TM9SF4: variants seen among roughly 807,000 people sequenced by gnomAD.
TM9SF4 encodes the protein transmembrane 9 superfamily member 4.
Under a neutral mutation model 90.4 loss-of-function variants are expected in TM9SF4, and 26 were observed. The ratio of observed to expected loss-of-function variants is 0.29; its 90% CI spans 0.21 to 0.40. TM9SF4 has a LOEUF of 0.40. Among genes scored for constraint, TM9SF4 ranks in the 10% least tolerant of loss-of-function variants. The pLI is 1.00. For missense variants in TM9SF4, 549 were observed against 834.8 expected (o/e 0.66, Z 4.22); for synonymous variants, 293 against 315.4 (o/e 0.93, Z 0.75).
chr20:32,149,911 A>G (rs2046817459), intron 10 of TM9SF4, 145 bp downstream of exon 10: 1 of 1,183,230 alleles, frequency 8.5e-7, no homozygotes, highest in Admixed American at 2.7e-5. Flanking sequence ...TGGGCCAGAC[A>G]GGCCGTCTAT....
chr20:32,156,398 T>C (rs535696069), intron 13 of TM9SF4, among the ~76,000 whole-genome samples: 3 of 152,210 alleles, frequency 2.0e-5, no homozygotes, highest in Non-Finnish European at 4.4e-5. Context: ...CAGTTGTCCC[T>C]TGGTATTCAT....
chr20:32,127,124 C>T (rs1030222535), intron 1 of TM9SF4, among the ~76,000 whole-genome samples: 4 of 152,174 alleles, frequency 2.6e-5, no homozygotes, highest in Non-Finnish European at 5.9e-5. Flanking sequence ...CACTGCTAAT[C>T]CTGAGAGCCT....
intron 4 of TM9SF4, 44 bp downstream of exon 4, chr20:32,141,709 G>C (rs775658192): frequency 1.2e-6 from 2 of 1,613,436 alleles, no homozygotes; most frequent in Admixed American, 3.3e-5. Flanking sequence ...TCACACAGGG[G>C]AGGACACTGA....
At chr20:32,138,516 G>T (rs980503176) in intron 3 of TM9SF4, among the ~76,000 whole-genome samples, 2 of 152,182 alleles carry the variant, frequency 1.3e-5, no homozygotes, top group African/African-American at 4.8e-5. Context: ...AATTAGCCAG[G>T]CATGGTGGTG....
chr20:32,150,168 G>A (rs549501244), intron 10 of TM9SF4, among the ~76,000 whole-genome samples: 1 of 152,310 alleles, frequency 6.6e-6, no homozygotes, highest in South Asian at 2.1e-4. Flanking sequence ...GAGTCAGTCT[G>A]CCTAGATTTA....
At position 32,141,789 on chromosome 20, in the gene TM9SF4, C is replaced by T. The variant is rs2046684327; in HGVS notation, c.422C>T (p.Ala141Val). The T allele has an allele frequency of 6.2e-7, 1 of 1,614,108 alleles. No homozygotes were observed. The highest frequency in any genetic ancestry group is 8.5e-7 in the Non-Finnish European group (1 of 1,179,998). ...VHLIADNLPV[A>V]TRLELYSNRD... The stretch of plus-strand genomic sequence containing the variant: ...AGCATTGCTGACAACCTGCCTGTGG[C>T]CACCCGGCTGGAGCTCTACTCCAAC... Residue 141 changes from alanine (A) to valine (V), a missense_variant, in exon 5 of 18, where the codon GCC becomes GTC. By Grantham distance (64) the Ala-to-Val change is moderately conservative. This residue lies in a region of TM9SF4 where 495 missense variants were observed against 711.7 expected (regional missense o/e 0.70). Coordinates refer to ENST00000398022, the MANE Select transcript of TM9SF4 (RefSeq NM_014742.4).
At chr20:32,154,932 A>G (rs1227676400) in intron 12 of TM9SF4, among the ~76,000 whole-genome samples, 171 bp from the exon 13 acceptor site, 2 of 152,318 alleles carry the variant, frequency 1.3e-5, no homozygotes, top group East Asian at 1.9e-4. Flanking sequence ...GAGGGCATAG[A>G]ACAGAGTCCT....
chr20:32,109,954 C>T, intron 1 of TM9SF4, 199 bp downstream of exon 1: 1 of 1,413,506 alleles, frequency 7.1e-7, no homozygotes, highest in Non-Finnish European at 9.2e-7. Context: ...GTGAAGGCCC[C>T]GAGTTTTGGG....
At position 32,166,628 on chromosome 20, in the gene TM9SF4, C is replaced by T. The variant is rs960501889; in HGVS notation, c.*1184C>T. The T allele has an allele frequency of 6.6e-6, 1 of 152,326 alleles. No individual in the cohort carries two copies. The highest frequency in any genetic ancestry group is 2.1e-4 in the South Asian group (1 of 4,834). The allele number at this position is 152,326 out of a possible 1,614,324, so 9.4% of individuals were successfully genotyped here. On this transcript the variant is annotated 3_prime_UTR_variant, in exon 18 of 18. Transcript: ENST00000398022. ...TGGAAGGTAAGTTCTGTCGTTCTTT[C>T]CCCAATCCCCAGGAATGGACAAGAA... is the stretch of plus-strand genomic sequence containing the variant.
At chr20:32,152,787 C>T (rs866651479) in intron 12 of TM9SF4, among the ~76,000 whole-genome samples, 23 of 152,202 alleles carry the variant, frequency 1.5e-4, no homozygotes, top group African/African-American at 4.3e-4. Context: ...CAGAGGCTGC[C>T]GCCTCCCCCA....
chr20:32,110,075 T>C, intron 1 of TM9SF4: 1 of 1,263,688 alleles, frequency 7.9e-7, no homozygotes, highest in Non-Finnish European at 1.0e-6. Context: ...CTCCCTGTCC[T>C]GACCCCTCTG....
intron 1 of TM9SF4, among the ~76,000 whole-genome samples, chr20:32,123,788 T>G (rs2046371010): frequency 6.7e-6 from 1 of 148,680 alleles, no homozygotes; most frequent in Admixed American, 6.7e-5. Flanking sequence ...TCTTTTATGT[T>G]CTTTTCACCA....
Position 32,162,951 on chromosome 20 carries a change from C to T in TM9SF4, c.1779+1586C>T, listed in dbSNP as rs534148022. ...GACTAAGAAATTGGAGTTCTAGCCT[C>T]AACCATGCTTAGATCCAGAGTCTCA... On this transcript the variant is annotated intron_variant, in intron 17 of 17. Coordinates refer to ENST00000398022, the MANE Select transcript of TM9SF4 (RefSeq NM_014742.4). 5.8e-4 allele frequency among the ~76,000 whole-genome samples: 88 copies of T among 152,272 alleles called. No homozygotes were observed. In the South Asian group the frequency reaches 0.014, roughly 24 times the overall value.
intron 13 of TM9SF4, among the ~76,000 whole-genome samples, chr20:32,156,916 G>GT (rs2046931145): frequency 8.8e-6 from 1 of 113,066 alleles, no homozygotes. Context: ...TTATTTTATT[G>GT]TATTTTTTTT....
At position 32,163,268 on chromosome 20, in the gene TM9SF4, A is replaced by AATATATATATAT. The variant is rs1186662308; in HGVS notation, c.1779+1920_1779+1931dup. ...CTCAAAAAAAAAAAAAAAAAAAAAA[A>AATATATATATAT]ATATATATATATATATATATATATA... On this transcript the variant is annotated intron_variant, in intron 17 of 17. Transcript: ENST00000398022. Among the ~76,000 whole-genome samples the AATATATATATAT allele has an allele frequency of 1.2e-3, 92 of 74,300 alleles. 1 individual carries two copies. The highest frequency in any genetic ancestry group is 4.2e-3 in the African/African-American group (71 of 16,770). 48.7% of individuals were successfully genotyped at this position (74,300 alleles called of 152,430 possible).
intron 1 of TM9SF4, among the ~76,000 whole-genome samples, chr20:32,122,022 C>CG (rs1438364822): frequency 7.1e-6 from 1 of 140,326 alleles, no homozygotes; most frequent in Non-Finnish European, 1.5e-5. Context: ...GCTGGCCGGG[C>CG]GGGGGGCTGA....
chr20:32,114,970 G>A (rs1339409468), intron 1 of TM9SF4, among the ~76,000 whole-genome samples: 2 of 152,288 alleles, frequency 1.3e-5, no homozygotes, highest in East Asian at 1.9e-4. Context: ...TTGTAGTTTG[G>A]AATACTTTAA....
intron 1 of TM9SF4, among the ~76,000 whole-genome samples, chr20:32,121,616 A>G (rs986961825): frequency 6.6e-6 from 1 of 152,028 alleles, no homozygotes; most frequent in Non-Finnish European, 1.5e-5. Context: ...CTACACAGAC[A>G]AGGCAACCAT....
chr20:32,131,735 A>G (rs1569067387), intron 1 of TM9SF4, among the ~76,000 whole-genome samples: 1 of 152,194 alleles, frequency 6.6e-6, no homozygotes, highest in Non-Finnish European at 1.5e-5. Context: ...GACTGCGTAG[A>G]AAGAAGAGAA....
Sources: gnomAD v4.1 joint callset for allele counts (sites outside exome capture counted in the v4.1 genomes callset) on GRCh38, gnomAD v4.1.1 for gene constraint, gnomAD v4.1.1 regional missense constraint, MANE v1.5 for transcripts, NCBI Gene and HGNC (gene_info 2026-07-23, HGNC 2026-07-21) for gene names.